The following TFEB variants were observed in gnomAD, a reference collection of about 807,000 sequenced individuals.
The protein encoded by TFEB is T-cell transcription factor EB.
TFEB carries 12 observed loss-of-function variants against 48.0 expected under a neutral mutation model. That is an observed-to-expected ratio of 0.25 (90% CI 0.16 to 0.40). The LOEUF is 0.40. Ranked by LOEUF, TFEB falls within the 10% of genes least tolerant of loss-of-function variation. The probability of loss-of-function intolerance (pLI) is 1.00; values close to 1 mark genes in which losing one functional copy is unlikely to be tolerated. For missense variants in TFEB, 509 were observed against 640.3 expected (o/e 0.79, Z 2.21); for synonymous variants, 244 against 261.4 (o/e 0.93, Z 0.64).
At chr6:41,728,169 T>C (rs1441934205) in intron 1 of TFEB, among the ~76,000 whole-genome samples, 1 of 152,230 alleles carries the variant, frequency 6.6e-6, no homozygotes, top group Non-Finnish European at 1.5e-5. Flanking sequence ...CTCTCTGCCC[T>C]CTGTGGTTAC....
intron 1 of TFEB, among the ~76,000 whole-genome samples, chr6:41,713,543 G>T (rs756152514): frequency 1.4e-4 from 22 of 152,118 alleles, no homozygotes; most frequent in Non-Finnish European, 2.6e-4. Context: ...TCTCTGAGAG[G>T]GTGTCAGGCT....
Position 41,684,038 on chromosome 6 carries a change from G to A in TFEB, c.*561C>T, listed in dbSNP as rs1342204817. 2 of 228,184 alleles carry A rather than the reference G, an allele frequency of 8.8e-6. No individual in the cohort carries two copies. The highest frequency in any genetic ancestry group is 1.7e-5 in the Non-Finnish European group (2 of 114,670). The allele number at this position is 228,184 out of a possible 1,614,324, so 14.1% of individuals were successfully genotyped here. ...GGGGTCGGAGGGCAGCTGCTCTTCC[G>A]GCAGTGACCCCTCCCGCTTCTGGCA... is the stretch of plus-strand genomic sequence containing the variant. On this transcript the variant is annotated 3_prime_UTR_variant, in exon 9 of 9. Coordinates refer to ENST00000373033, the MANE Select transcript of TFEB (RefSeq NM_001271944.2).
In TFEB at chr6:41,723,999, C is replaced by G. The variant is rs972465316; in HGVS notation, c.-23+11351G>C. 5 of 486,500 alleles carry G rather than the reference C, an allele frequency of 1.0e-5. No individual in the cohort carries two copies. The highest frequency in any genetic ancestry group is 6.4e-5 in the Admixed American group (3 of 46,958). The allele number at this position is 486,500 out of a possible 1,614,324, so 30.1% of individuals were successfully genotyped here. ...ACCATCTTCCTGACTGGCCATACAC[C>G]TGCAGTCTTGGCCTTGGGCCTTCCC... On this transcript the variant is annotated intron_variant, in intron 1 of 8. Transcript: ENST00000373033. This position sits in a 1 kb window ranked among gnomAD's most constrained non-coding sequence, Gnocchi z 6.0.
intron 1 of TFEB, among the ~76,000 whole-genome samples, chr6:41,706,934 G>C (rs1770254031): frequency 6.6e-6 from 1 of 152,224 alleles, no homozygotes; most frequent in Admixed American, 6.5e-5. Context: ...TACCAGGACA[G>C]AGCGAGGAGT....
intron 6 of TFEB, 99 bp downstream of exon 6, chr6:41,687,654 G>A (rs1451492574): frequency 2.7e-6 from 4 of 1,491,914 alleles, no homozygotes; most frequent in East Asian, 2.3e-5. Flanking sequence ...CCTTGAGCAG[G>A]GAAGCCTTCC....
At chr6:41,733,671 T>C in intron 1 of TFEB, 1 of 985,294 alleles carries the variant, frequency 1.0e-6, no homozygotes, top group Non-Finnish European at 1.2e-6. Context: ...TACCGTCAGG[T>C]TAGCAGGCAG....
At chr6:41,700,323 G>C (rs546440394) in intron 1 of TFEB, among the ~76,000 whole-genome samples, 5 of 152,024 alleles carry the variant, frequency 3.3e-5, no homozygotes, top group African/African-American at 4.8e-5. Context: ...AAAATTAGCC[G>C]GGCATGGTGG....
At chr6:41,701,899 C>G (rs1034173486) in intron 1 of TFEB, among the ~76,000 whole-genome samples, 3 of 149,896 alleles carry the variant, frequency 2.0e-5, no homozygotes, top group South Asian at 2.1e-4. Flanking sequence ...GAGCTGAGAT[C>G]GCACCACTGC....
intron 1 of TFEB, among the ~76,000 whole-genome samples, chr6:41,703,837 A>T (rs73735935): frequency 0.022 from 3,357 of 152,228 alleles, 121 homozygotes; most frequent in African/African-American, 0.075. Flanking sequence ...ACCATGATGG[A>T]GGCGTTCACA....
At chr6:41,686,506 TTC>T (rs373780928) in intron 7 of TFEB, 24 of 262,230 alleles carry the variant, frequency 9.2e-5, no homozygotes, top group Middle Eastern at 1.1e-3. Context: ...CAGCCTACCT[TTC>T]TTTTTTTTTT....
At chr6:41,708,979 G>A (rs1425837037) in intron 1 of TFEB, among the ~76,000 whole-genome samples, 1 of 152,210 alleles carries the variant, frequency 6.6e-6, no homozygotes, top group Admixed American at 6.5e-5. Context: ...TGCCAGAGTT[G>A]CAAGTTGCAT....
chr6:41,705,999 G>A (rs1440007727), intron 1 of TFEB: 1 of 152,338 alleles, frequency 6.6e-6, no homozygotes, highest in Non-Finnish European at 1.5e-5. Flanking sequence ...GGGGGAGAGT[G>A]GGTGCCAGGC....
intron 4 of TFEB, among the ~76,000 whole-genome samples, chr6:41,689,087 A>G (rs1434481082): frequency 6.6e-6 from 1 of 152,064 alleles, no homozygotes; most frequent in Non-Finnish European, 1.5e-5. Context: ...CATCACCCCC[A>G]TTTTGCAGCT....
chr6:41,711,439 C>G (rs900508415), intron 1 of TFEB, among the ~76,000 whole-genome samples: 2 of 152,060 alleles, frequency 1.3e-5, no homozygotes, highest in African/African-American at 4.8e-5. Context: ...TGAGCGCCAG[C>G]AGAATGGAGG....
chr6:41,732,597 C>A, intron 1 of TFEB: 1 of 985,972 alleles, frequency 1.0e-6, no homozygotes, highest in Non-Finnish European at 1.2e-6. Flanking sequence ...CACAAACTCA[C>A]AACCATTACA....
rs78199231 is a variant in TFEB at position 41,708,310 on chromosome 6, G to GAC, written c.-22-17077_-22-17076dup. ...GGAGATGTGGGAAGAGGGCTTGGCA[G>GAC]ACCCCCAGGGCTGGGCTTGATGAGG... On this transcript the variant is annotated intron_variant, in intron 1 of 8. Coordinates refer to ENST00000373033, the MANE Select transcript of TFEB (RefSeq NM_001271944.2). 5.6e-3 allele frequency among the ~76,000 whole-genome samples: 848 copies of GAC among 152,354 alleles called. 3 individuals carry two copies. Among genetic ancestry groups the GAC allele is most frequent in the Middle Eastern group, 0.01 (3 of 294 alleles).
At chr6:41,735,899 C>T (rs904648633), upstream of TFEB, among the ~76,000 whole-genome samples, 3 of 152,216 alleles carry the variant, frequency 2.0e-5, no homozygotes, top group African/African-American at 7.2e-5. Flanking sequence ...GAACCTGCAG[C>T]CTGCTGTCCT....
intron 1 of TFEB, among the ~76,000 whole-genome samples, chr6:41,707,494 G>C (rs1033876009): frequency 6.6e-6 from 1 of 152,148 alleles, no homozygotes; most frequent in African/African-American, 2.4e-5. Context: ...CACGTCTCCA[G>C]GGGAAGCACA....
At chr6:41,687,567 G>A in intron 6 of TFEB, 186 bp downstream of exon 6, 2 of 732,976 alleles carry the variant, frequency 2.7e-6, no homozygotes, top group Non-Finnish European at 4.7e-6. Flanking sequence ...AGGCCTAGTG[G>A]AAAGACAGCA....
Sources: allele counts gnomAD v4.1 joint callset (sites outside exome capture counted in the v4.1 genomes callset), GRCh38; gene constraint gnomAD v4.1.1; non-coding constraint Gnocchi (gnomAD v3.1); transcripts MANE v1.5; gene names NCBI Gene and HGNC (gene_info 2026-07-23, HGNC 2026-07-21).